Variants in RSPO2 observed in about 807,000 individuals in gnomAD.
RSPO2 encodes R-spondin-2.
RSPO2 carries 14 observed loss-of-function variants against 30.9 expected under a neutral mutation model. The ratio of observed to expected loss-of-function variants is 0.45; its 90% CI spans 0.30 to 0.71. The LOEUF (loss-of-function observed/expected upper bound fraction) is 0.71, where lower values mean the gene tolerates loss of function less well. Among genes scored for constraint, RSPO2 ranks in the 30% least tolerant of loss-of-function variants. The pLI, the probability that RSPO2 is intolerant of heterozygous loss-of-function variation, is 0.08. For missense variants in RSPO2, 264 were observed against 301.9 expected (o/e 0.87, Z 0.93); for synonymous variants, 107 against 96.4 (o/e 1.11, Z -0.64).
intron 5 of RSPO2, among the ~76,000 whole-genome samples, chr8:107,927,724 G>C (rs896132442): frequency 3.3e-5 from 5 of 152,230 alleles, no homozygotes; most frequent in African/African-American, 1.2e-4. Flanking sequence ...TGTTGAACCA[G>C]CCTTGCATCC....
At chr8:107,996,557 T>C (rs181121237) in intron 2 of RSPO2, among the ~76,000 whole-genome samples, 25 of 152,290 alleles carry the variant, frequency 1.6e-4, no homozygotes, top group Admixed American at 1.4e-3. Context: ...GGTTTACAAG[T>C]ACACAGCAGA....
At chr8:108,079,129 A>G (rs1813106782) in intron 2 of RSPO2, among the ~76,000 whole-genome samples, 1 of 152,232 alleles carries the variant, frequency 6.6e-6, no homozygotes, top group Non-Finnish European at 1.5e-5. Flanking sequence ...ACAATAGCCA[A>G]TCATGACTAT....
rs58167448 is a variant in RSPO2, at chr8:108,038,757, G to GTTT, written c.94+43785_94+43787dup. Among the ~76,000 whole-genome samples the GTTT allele has an allele frequency of 3.4e-3, 495 of 145,166 alleles. 7 individuals are homozygous for GTTT. The highest frequency in any genetic ancestry group is 0.012 in the African/African-American group (467 of 39,902). On this transcript the variant is annotated intron_variant, in intron 2 of 5. Transcript: ENST00000276659. ...TGAAGGCTCAGATGATTGTTAGTGG[G>GTTT]TTTTTTTTTTTAGCAATAAAGTACT... is the stretch of plus-strand genomic sequence containing the variant.
rs938087040 is a variant in RSPO2, at chr8:108,052,778, G to A, written c.94+29767C>T. ...TGAGGTATAGAGATATGAAATAATC[G>A]GATCAACATTACACAACAATTAAGA... On this transcript the variant is annotated intron_variant, in intron 2 of 5. Transcript: ENST00000276659. Among the ~76,000 whole-genome samples the A allele has an allele frequency of 4.6e-5, 7 of 152,008 alleles. No homozygotes were observed. In the East Asian group the frequency reaches 5.8e-4, roughly 13 times the overall value.
intron 3 of RSPO2, among the ~76,000 whole-genome samples, chr8:107,985,959 T>C (rs939231917): frequency 7.2e-5 from 11 of 152,192 alleles, no homozygotes; most frequent in African/African-American, 1.9e-4. Flanking sequence ...TTGCTTTACA[T>C]TGGAAATCAT....
At position 107,925,829 on chromosome 8, in the gene RSPO2, A is replaced by C. The variant is rs189031927; in HGVS notation, c.617-24639T>G. Among the ~76,000 whole-genome samples the C allele has an allele frequency of 5.2e-3, 792 of 152,306 alleles. 8 individuals carry two copies. Among genetic ancestry groups the C allele is most frequent in the African/African-American group, 0.017 (715 of 41,564 alleles). Reference sequence around the variant, plus strand: ...TTGTTGGACATCTGGGTTGGTTCCAAGTCCTTGCTATTGTGAGTAGTGCCA... The same window carrying C: ...TTGTTGGACATCTGGGTTGGTTCCACGTCCTTGCTATTGTGAGTAGTGCCA... On this transcript the variant is annotated intron_variant, in intron 5 of 5. Coordinates refer to ENST00000276659, the MANE Select transcript of RSPO2 (RefSeq NM_178565.5).
intron 2 of RSPO2, among the ~76,000 whole-genome samples, chr8:108,020,038 T>C (rs1287642188): frequency 6.7e-6 from 1 of 149,944 alleles, no homozygotes; most frequent in Non-Finnish European, 1.5e-5. Flanking sequence ...GACAGGAATG[T>C]GGTGTATGCC....
At chr8:108,071,604 A>G (rs1031553934) in intron 2 of RSPO2, among the ~76,000 whole-genome samples, 1 of 152,206 alleles carries the variant, frequency 6.6e-6, no homozygotes, top group Non-Finnish European at 1.5e-5. Context: ...AAGTCCTTGG[A>G]TAAGTAAAAA....
chr8:107,962,078 C>T (rs1325175498), intron 3 of RSPO2, among the ~76,000 whole-genome samples: 1 of 152,180 alleles, frequency 6.6e-6, no homozygotes, highest in Non-Finnish European at 1.5e-5. Flanking sequence ...ACGCAATTGA[C>T]AGCACGTAAA....
At chr8:107,910,947 A>G (rs997598732) in intron 5 of RSPO2, among the ~76,000 whole-genome samples, 2 of 152,140 alleles carry the variant, frequency 1.3e-5, no homozygotes, top group African/African-American at 4.8e-5. Context: ...CATCCTGGTT[A>G]GAGTCTTCCC....
At chr8:107,981,859 T>C (rs1814446203) in intron 3 of RSPO2, among the ~76,000 whole-genome samples, 1 of 151,186 alleles carries the variant, frequency 6.6e-6, no homozygotes, top group Non-Finnish European at 1.5e-5. Context: ...CAGCCAGGCA[T>C]CTCTAATAAT....
At chr8:108,056,566 T>C (rs1385245891) in intron 2 of RSPO2, among the ~76,000 whole-genome samples, 1 of 129,672 alleles carries the variant, frequency 7.7e-6, no homozygotes, top group Non-Finnish European at 1.5e-5. Context: ...AAGGCTGCAG[T>C]GAACCAAGAT....
chr8:108,033,445 T>C (rs537083772), intron 2 of RSPO2, among the ~76,000 whole-genome samples: 2 of 152,196 alleles, frequency 1.3e-5, no homozygotes, highest in East Asian at 1.9e-4. Context: ...ATCTTCTCCA[T>C]AACCTGTGTT....
chr8:108,038,813 C>G (rs139985261), intron 2 of RSPO2, among the ~76,000 whole-genome samples: 2 of 151,638 alleles, frequency 1.3e-5, no homozygotes, highest in African/African-American at 2.4e-5. Context: ...TTGTTTATTT[C>G]GACATAAGGC....
chr8:107,901,438 T>G (rs1041477541), intron 5 of RSPO2, among the ~76,000 whole-genome samples: 4 of 152,258 alleles, frequency 2.6e-5, no homozygotes, highest in African/African-American at 7.2e-5. Context: ...AACCTCCCAG[T>G]GGCCTGATCC....
At chr8:107,952,191 G>A (rs1357007355) in intron 5 of RSPO2, among the ~76,000 whole-genome samples, 1 of 151,918 alleles carries the variant, frequency 6.6e-6, no homozygotes, top group Non-Finnish European at 1.5e-5. Flanking sequence ...GTGGATCTTT[G>A]TTTAACACCA....
At chr8:107,998,300 C>G (rs1455477882) in intron 2 of RSPO2, among the ~76,000 whole-genome samples, 4 of 151,940 alleles carry the variant, frequency 2.6e-5, no homozygotes, top group Non-Finnish European at 5.9e-5. Context: ...CTATAGAAAT[C>G]AAGTTGGATA....
chr8:107,959,812 T>C (rs2130438069), intron 4 of RSPO2, among the ~76,000 whole-genome samples: 1 of 152,314 alleles, frequency 6.6e-6, no homozygotes, highest in East Asian at 1.9e-4. Context: ...AAACCACTTG[T>C]TTAAATGTCT....
intron 2 of RSPO2, among the ~76,000 whole-genome samples, chr8:108,062,015 C>G (rs1250346042): frequency 6.6e-6 from 1 of 151,840 alleles, no homozygotes; most frequent in Non-Finnish European, 1.5e-5. Flanking sequence ...ATACCAGAAT[C>G]TCTGGGACAC....
Sources: gnomAD v4.1 joint callset for allele counts (sites outside exome capture counted in the v4.1 genomes callset) on GRCh38, gnomAD v4.1.1 for gene constraint, MANE v1.5 for transcripts, NCBI Gene and HGNC (gene_info 2026-07-23, HGNC 2026-07-21) for gene names.